Variants in IL1RAPL2 observed in about 807,000 individuals in gnomAD.
IL1RAPL2 encodes the protein interleukin 1 receptor accessory protein like 2.
In IL1RAPL2, 3 loss-of-function variants were observed where a neutral mutation model predicts 44.1. That is an observed-to-expected ratio of 0.07 (90% CI 0.03 to 0.18). IL1RAPL2 has a LOEUF of 0.18. IL1RAPL2 is among the 10% of genes least tolerant of loss of function. The pLI, the probability that IL1RAPL2 is intolerant of heterozygous loss-of-function variation, is 1.00. For missense variants in IL1RAPL2, 391 were observed against 496.4 expected (o/e 0.79, Z 2.02); for synonymous variants, 181 against 178.8 (o/e 1.01, Z -0.10).
intron 2 of IL1RAPL2, among the ~76,000 whole-genome samples, chrX:104,846,097 T>C (rs1416604269): frequency 8.9e-6 from 1 of 112,042 alleles, no homozygotes; most frequent in South Asian, 3.8e-4. Context: ...TTAGGAGTTA[T>C]ACTTTTGTAG....
At chrX:104,908,983 A>G (rs1214376122) in intron 2 of IL1RAPL2, among the ~76,000 whole-genome samples, 3 of 110,429 alleles carry the variant, frequency 2.7e-5, no homozygotes, top group African/African-American at 6.6e-5. Context: ...AGGTACACCA[A>G]TCAGACGTAG....
chrX:104,636,707 G>A (rs1231080239), intron 1 of IL1RAPL2, among the ~76,000 whole-genome samples: 1 of 112,197 alleles, frequency 8.9e-6, no homozygotes, highest in African/African-American at 3.2e-5. Context: ...CAGTATTAGG[G>A]TGGTAGTGAC....
intron 2 of IL1RAPL2, among the ~76,000 whole-genome samples, chrX:104,723,502 T>C (rs930887473): frequency 1.8e-5 from 2 of 110,245 alleles, no homozygotes; most frequent in Non-Finnish European, 3.8e-5. Context: ...ATGTGGGTTT[T>C]CATGACCATG....
chrX:105,084,051 A>G (rs2032448411), intron 2 of IL1RAPL2, among the ~76,000 whole-genome samples: 1 of 112,632 alleles, frequency 8.9e-6, no homozygotes, highest in Non-Finnish European at 1.9e-5. Flanking sequence ...AAGAACTGAC[A>G]TTTAGAAACC....
intron 2 of IL1RAPL2, among the ~76,000 whole-genome samples, chrX:104,946,088 A>C (rs1341928740): frequency 1.8e-5 from 2 of 109,648 alleles, no homozygotes; most frequent in African/African-American, 6.7e-5. Flanking sequence ...GTGCATCTTC[A>C]CAACGATTTT....
chrX:104,924,267 T>A (rs1396297543), intron 2 of IL1RAPL2, among the ~76,000 whole-genome samples: 5 of 111,592 alleles, frequency 4.5e-5, no homozygotes, highest in South Asian at 3.7e-4. Flanking sequence ...GGTAGTTGGT[T>A]TTCTGCCTTG....
At chrX:105,056,884 A>G (rs1010877458) in intron 2 of IL1RAPL2, among the ~76,000 whole-genome samples, 2 of 111,381 alleles carry the variant, frequency 1.8e-5, no homozygotes, top group African/African-American at 6.5e-5. Context: ...GCAAGCTAGT[A>G]TCGGGAATTC....
At chrX:104,682,771 C>T (rs2147540604) in intron 2 of IL1RAPL2, among the ~76,000 whole-genome samples, 1 of 112,194 alleles carries the variant, frequency 8.9e-6, no homozygotes, top group Admixed American at 9.4e-5. Context: ...AATAATTATT[C>T]AAAACAGCTA....
chrX:105,203,059 G>T (rs1243264218), intron 3 of IL1RAPL2, among the ~76,000 whole-genome samples: 1 of 111,245 alleles, frequency 9.0e-6, no homozygotes, highest in South Asian at 3.8e-4. Context: ...GAAAAAAAAT[G>T]TAGTCAGGAA....
intron 2 of IL1RAPL2, among the ~76,000 whole-genome samples, chrX:104,960,448 C>T (rs1258367911): frequency 8.9e-6 from 1 of 111,777 alleles, no homozygotes; most frequent in Non-Finnish European, 1.9e-5. Context: ...TATTGTGAGT[C>T]ATGGCATCCT....
At chrX:104,793,369 T>C (rs1158198017) in intron 2 of IL1RAPL2, among the ~76,000 whole-genome samples, 2 of 111,784 alleles carry the variant, frequency 1.8e-5, no homozygotes, top group Non-Finnish European at 3.8e-5. Flanking sequence ...GTGGATAGCA[T>C]GGGACCTGGA....
intron 5 of IL1RAPL2, among the ~76,000 whole-genome samples, chrX:105,292,388 CTTG>C (rs1027253845): frequency 1.8e-5 from 2 of 112,202 alleles, no homozygotes; most frequent in Non-Finnish European, 1.9e-5. Flanking sequence ...GAAACTGCCA[CTTG>C]TTGTGTTTGG....
At chrX:105,210,402 A>T (rs1556156585) in intron 3 of IL1RAPL2, among the ~76,000 whole-genome samples, 1 of 110,707 alleles carries the variant, frequency 9.0e-6, no homozygotes, top group African/African-American at 3.3e-5. Context: ...CCATCATTTG[A>T]CCCCTGAGCC....
chrX:105,381,567 T>C (rs1354510930), intron 5 of IL1RAPL2, among the ~76,000 whole-genome samples: 2 of 111,707 alleles, frequency 1.8e-5, no homozygotes, highest in Non-Finnish European at 3.8e-5. Flanking sequence ...ATAGACAAAA[T>C]TTATTGACTG....
At chrX:105,150,218 G>A (rs2033215273) in intron 2 of IL1RAPL2, among the ~76,000 whole-genome samples, 1 of 111,525 alleles carries the variant, frequency 9.0e-6, no homozygotes, top group African/African-American at 3.3e-5. Flanking sequence ...ATCAGGACTT[G>A]ATTTTGGTTA....
intron 2 of IL1RAPL2, among the ~76,000 whole-genome samples, chrX:105,194,150 A>G (rs1369723839): frequency 8.9e-5 from 10 of 112,274 alleles, no homozygotes; most frequent in Non-Finnish European, 1.7e-4. Flanking sequence ...CCCTAGTTCA[A>G]TAATCCCTCA....
intron 1 of IL1RAPL2, among the ~76,000 whole-genome samples, chrX:104,614,049 G>A (rs991802743): frequency 9.1e-6 from 1 of 110,292 alleles, no homozygotes; most frequent in African/African-American, 3.3e-5. Flanking sequence ...TACCTTTGTT[G>A]TTTCTGATTT....
chrX:105,483,876 G>T (rs763069027), intron 5 of IL1RAPL2, among the ~76,000 whole-genome samples: 4 of 111,633 alleles, frequency 3.6e-5, no homozygotes, highest in African/African-American at 6.5e-5. Flanking sequence ...GGAGGTTGCA[G>T]TGGAGAGTGG....
At chrX:105,602,401 G>T (rs1221330068) in intron 6 of IL1RAPL2, among the ~76,000 whole-genome samples, 1 of 109,866 alleles carries the variant, frequency 9.1e-6, no homozygotes, top group Non-Finnish European at 1.9e-5. Flanking sequence ...AAAAAAAAAA[G>T]AATAAGAAAG....
Sources: gnomAD v4.1 joint callset for allele counts (sites outside exome capture counted in the v4.1 genomes callset) on GRCh38, gnomAD v4.1.1 for gene constraint, MANE v1.5 for transcripts, NCBI Gene and HGNC (gene_info 2026-07-23, HGNC 2026-07-21) for gene names.